Variants in HAGH observed in about 807,000 individuals in gnomAD.
The protein encoded by HAGH is hydroxyacylglutathione hydrolase.
Under a neutral mutation model 35.1 loss-of-function variants are expected in HAGH, and 29 were observed. The observed-to-expected ratio is 0.83, with a 90% CI of 0.62 to 1.13. The LOEUF (loss-of-function observed/expected upper bound fraction) is 1.13. HAGH is among the 50% of genes most tolerant of loss of function. The pLI is 0.00. For synonymous variants in HAGH, 225 were observed against 176.1 expected, an observed-to-expected ratio of 1.28 and a Z score of -2.20; for missense variants, 478 against 419.6, an observed-to-expected ratio of 1.14 and a Z score of -1.22.
At chr16:1,825,400 C>G (rs1389950719) in intron 1 of HAGH, among the ~76,000 whole-genome samples, 1 of 152,180 alleles carries the variant, frequency 6.6e-6, no homozygotes, top group Admixed American at 6.5e-5. Context: ...AGGAAAGACG[C>G]AGCTGGTGCC....
chr16:1,817,086 G>T, intron 6 of HAGH, 82 bp downstream of exon 6: 1 of 1,315,398 alleles, frequency 7.6e-7, no homozygotes, highest in Non-Finnish European at 1.1e-6. Context: ...GGGGGTGTCC[G>T]GTGAGAGGGT....
At chr16:1,822,158 G>A (rs1490982667) in intron 3 of HAGH, 142 bp downstream of exon 3, 7 of 647,874 alleles carry the variant, frequency 1.1e-5, no homozygotes, top group African/African-American at 1.8e-5. Context: ...GGTGAGTCCC[G>A]GGTCTTTCTC....
At chr16:1,813,961 G>A (rs749739775) in intron 7 of HAGH, among the ~76,000 whole-genome samples, 9 of 152,150 alleles carry the variant, frequency 5.9e-5, no homozygotes, top group Non-Finnish European at 1.3e-4. Context: ...ACAGTCCTTC[G>A]ACAGACAGCC....
At chr16:1,819,326 G>A (rs1255041999) in intron 4 of HAGH, 103 bp from the exon 5 acceptor site, 4 of 672,810 alleles carry the variant, frequency 5.9e-6, no homozygotes, top group South Asian at 5.6e-5. Flanking sequence ...CCTCAGCTCT[G>A]AGGGAAATGC....
chr16:1,825,893 C>T (rs1028453552), intron 1 of HAGH, among the ~76,000 whole-genome samples: 14 of 152,310 alleles, frequency 9.2e-5, no homozygotes, highest in African/African-American at 3.4e-4. Flanking sequence ...GGAAGTTTCA[C>T]AGCATCTTGC....
chr16:1,822,446 G>A, intron 2 of HAGH, 82 bp from the exon 3 acceptor site: 1 of 1,066,886 alleles, frequency 9.4e-7, no homozygotes. Flanking sequence ...GTGCCCAGCA[G>A]AACCCAGGAC....
chr16:1,812,055 G>C (rs545817696), intron 7 of HAGH, among the ~76,000 whole-genome samples: 6 of 152,108 alleles, frequency 3.9e-5, no homozygotes, highest in Admixed American at 1.3e-4. Context: ...AACCAAGCAT[G>C]ATGGCACAGG....
At position 1,819,973 on chromosome 16, in the gene HAGH, G is replaced by A. The variant is rs115389912; in HGVS notation, c.356C>T (p.Ser119Leu). The A allele has an allele frequency of 4.0e-3, 6,506 of 1,613,206 alleles. 24 individuals carry two copies. Among genetic ancestry groups the A allele is most frequent in the Non-Finnish European group, 5.1e-3 (6,060 of 1,179,598 alleles). The change falls in exon 4 of 9, where the codon TCG (serine) becomes TTG (leucine). Residue 119 changes from serine (S) to leucine (L), a missense_variant. Transcript: ENST00000397356. ...GGNEKLVKLESGLKVYGGDDR... is the reference protein window; with the variant it reads ...GGNEKLVKLELGLKVYGGDDR... The stretch of plus-strand genomic sequence containing the variant: ...GTCACCCCCGTACACCTTCAGTCCC[G>A]ACTCCAGCTTGACCAGTTTCTCATT...
intron 1 of HAGH, among the ~76,000 whole-genome samples, chr16:1,824,038 C>G (rs1329849835): frequency 6.6e-6 from 1 of 152,114 alleles, no homozygotes; most frequent in East Asian, 1.9e-4. Context: ...TGTGCTGCCA[C>G]CACTGACTAA....
chr16:1,822,732 C>T (rs1166627264), intron 2 of HAGH, 133 bp downstream of exon 2: 16 of 749,576 alleles, frequency 2.1e-5, no homozygotes, highest in African/African-American at 3.4e-5. Flanking sequence ...GCCCTGTTAA[C>T]AGAGTGGCCG....
chr16:1,822,504 G>C, intron 2 of HAGH, 140 bp from the exon 3 acceptor site: 2 of 727,732 alleles, frequency 2.7e-6, no homozygotes, highest in South Asian at 1.5e-5. Context: ...CTGCCAGCTT[G>C]CCCTGCTCCA....
At chr16:1,825,098 C>A (rs539962787) in intron 1 of HAGH, among the ~76,000 whole-genome samples, 1 of 152,124 alleles carries the variant, frequency 6.6e-6, no homozygotes, top group African/African-American at 2.4e-5. Flanking sequence ...GCGGGCGGAT[C>A]GCGGGGTCAG....
intron 3 of HAGH, among the ~76,000 whole-genome samples, chr16:1,820,919 G>C (rs966376804): frequency 1.3e-5 from 2 of 152,180 alleles, no homozygotes; most frequent in South Asian, 4.1e-4. Context: ...AGGACTTCAC[G>C]TGTCGGCATG....
intron 5 of HAGH, among the ~76,000 whole-genome samples, chr16:1,817,648 C>T (rs1213914237): frequency 6.6e-6 from 1 of 152,246 alleles, no homozygotes; most frequent in African/African-American, 2.4e-5. Context: ...CCAGCGCCAC[C>T]CTGTGACCAA....
chr16:1,822,791 T>G, intron 2 of HAGH, 74 bp downstream of exon 2: 1 of 1,302,010 alleles, frequency 7.7e-7, no homozygotes, highest in Non-Finnish European at 1.1e-6. Context: ...ACACTGCGGT[T>G]AGGAAACCCA....
chr16:1,819,056 G>A (rs755831173), intron 5 of HAGH, 59 bp downstream of exon 5: 2 of 1,077,678 alleles, frequency 1.9e-6, no homozygotes, highest in Admixed American at 1.8e-5. Flanking sequence ...AGCCTGCCTG[G>A]CAGGAGACAC....
intron 4 of HAGH, 127 bp from the exon 5 acceptor site, chr16:1,819,350 G>A: frequency 1.6e-6 from 1 of 626,126 alleles, no homozygotes; most frequent in East Asian, 2.8e-5. Flanking sequence ...TGAAGGTGGG[G>A]CAGGTGCTCC....
rs2142059073 is a variant in HAGH at position 1,826,802 on chromosome 16, T to TGGACTGCCGAGCTGCCCA, written c.-33_-16dup. 1 of 1,219,948 alleles carries TGGACTGCCGAGCTGCCCA rather than the reference T, an allele frequency of 8.2e-7. No homozygotes were observed. The highest frequency in any genetic ancestry group is 3.3e-5 in the East Asian group (1 of 30,652). 75.6% of individuals were successfully genotyped at this position (1,219,948 alleles called of 1,614,324 possible). The stretch of plus-strand genomic sequence containing the variant: ...CCCACCACCATGACCCGGGCCGGGC[T>TGGACTGCCGAGCTGCCCA]GGACTGCCGAGCTGCCCAGGACTGC... On this transcript the variant is annotated 5_prime_UTR_variant, in exon 1 of 9. Coordinates refer to ENST00000397356, the MANE Select transcript of HAGH (RefSeq NM_005326.6).
intron 7 of HAGH, among the ~76,000 whole-genome samples, chr16:1,811,401 A>T (rs190175556): frequency 6.6e-6 from 1 of 152,008 alleles, no homozygotes; most frequent in African/African-American, 2.4e-5. Context: ...GCAGCAGAGC[A>T]AGACACTGTC....
Sources: allele counts gnomAD v4.1 joint callset (sites outside exome capture counted in the v4.1 genomes callset), GRCh38; gene constraint gnomAD v4.1.1; transcripts MANE v1.5; gene names NCBI Gene and HGNC (gene_info 2026-07-23, HGNC 2026-07-21).